The following KCNH5 variants were observed in gnomAD, a reference collection of about 807,000 sequenced individuals.
The protein encoded by KCNH5 is potassium voltage-gated channel subfamily H member 5.
KCNH5 carries 46 observed loss-of-function variants against 96.1 expected under a neutral mutation model. That is an observed-to-expected ratio of 0.48 (90% CI 0.38 to 0.61). The LOEUF is 0.61. Among genes scored for constraint, KCNH5 ranks in the 20% least tolerant of loss-of-function variants. The pLI is 0.00. For synonymous variants in KCNH5, 439 were observed against 449.8 expected, an observed-to-expected ratio of 0.98 and a Z score of 0.30; for missense variants, 907 against 1,225.8, an observed-to-expected ratio of 0.74 and a Z score of 3.88.
chr14:62,825,813 G>T (rs243162), intron 8 of KCNH5, among the ~76,000 whole-genome samples: 1 of 148,972 alleles, frequency 6.7e-6, no homozygotes. Flanking sequence ...TTTATCCTTC[G>T]TTCTCTTGCT....
chr14:62,934,806 G>A (rs146749718), intron 7 of KCNH5, among the ~76,000 whole-genome samples: 218 of 152,072 alleles, frequency 1.4e-3, no homozygotes, highest in Admixed American at 0.013. Flanking sequence ...TTTTTTTGTC[G>A]TCTTTCTTGT....
chr14:62,853,496 TCTTGGCCACATATA>T (rs1566682760), intron 7 of KCNH5, among the ~76,000 whole-genome samples: 1 of 90,316 alleles, frequency 1.1e-5, no homozygotes, highest in African/African-American at 6.5e-5. Flanking sequence ...ATATATATAA[TCTTGGCCACATATA>T]ATCATAGCAC....
intron 8 of KCNH5, among the ~76,000 whole-genome samples, chr14:62,810,588 T>C (rs2140007091): frequency 6.6e-6 from 1 of 152,202 alleles, no homozygotes; most frequent in East Asian, 1.9e-4. Context: ...AAAACCATGA[T>C]GGCCACAAGA....
At chr14:62,791,423 C>T (rs1297695942) in intron 9 of KCNH5, among the ~76,000 whole-genome samples, 4 of 151,494 alleles carry the variant, frequency 2.6e-5, no homozygotes, top group Admixed American at 6.6e-5. Flanking sequence ...TAAGTCTTTA[C>T]CTATCAATAC....
intron 5 of KCNH5, among the ~76,000 whole-genome samples, chr14:62,983,201 C>A (rs1286453936): frequency 1.3e-5 from 2 of 151,868 alleles, no homozygotes; most frequent in African/African-American, 2.4e-5. Flanking sequence ...ATGGTGAAAC[C>A]CCGTCCTACT....
chr14:62,904,627 A>G (rs1427367486), intron 7 of KCNH5, among the ~76,000 whole-genome samples: 1 of 152,222 alleles, frequency 6.6e-6, no homozygotes, highest in South Asian at 2.1e-4. Context: ...GCCTTCATCA[A>G]AGTTAGAAAA....
At chr14:62,789,614 T>C (rs956270733) in intron 9 of KCNH5, among the ~76,000 whole-genome samples, 2 of 151,986 alleles carry the variant, frequency 1.3e-5, no homozygotes, top group Admixed American at 6.6e-5. Context: ...TTTTTGATAA[T>C]AGTCTTCCTA....
rs1884455398 is a variant in KCNH5 at position 62,707,401 on chromosome 14, G to T, written c.*107C>A. 3.9e-6 allele frequency: 2 copies of T among 516,018 alleles called. No homozygotes were observed. The highest frequency in any genetic ancestry group is 6.1e-6 in the Non-Finnish European group (2 of 330,268). 32.0% of individuals were successfully genotyped at this position (516,018 alleles called of 1,614,324 possible). On this transcript the variant is annotated 3_prime_UTR_variant, in exon 11 of 11. Transcript: ENST00000322893. ...AATATTTACATATCAAAATCCATGTGTGGTCATCATCTTGAAAGCAAGTGA... is the reference window on the plus strand; with the variant it reads ...AATATTTACATATCAAAATCCATGTTTGGTCATCATCTTGAAAGCAAGTGA...
intron 10 of KCNH5, among the ~76,000 whole-genome samples, chr14:62,771,573 C>T (rs1390214809): frequency 6.6e-6 from 1 of 152,058 alleles, no homozygotes; most frequent in African/African-American, 2.4e-5. Flanking sequence ...TGCAGTGAGC[C>T]GAGATCGTGC....
intron 1 of KCNH5, 65 bp downstream of exon 1, chr14:63,045,049 G>T (rs1310345554): frequency 1.6e-6 from 2 of 1,254,280 alleles, no homozygotes; most frequent in Non-Finnish European, 2.3e-6. Flanking sequence ...GATGGGATGG[G>T]GAGGATGGGG....
At chr14:62,963,214 A>G (rs1890245871) in intron 6 of KCNH5, among the ~76,000 whole-genome samples, 1 of 152,080 alleles carries the variant, frequency 6.6e-6, no homozygotes, top group Admixed American at 6.6e-5. Context: ...TATATTGTTT[A>G]TTTCTTACTG....
chr14:63,036,803 A>G (rs1787711414), intron 1 of KCNH5, among the ~76,000 whole-genome samples: 1 of 152,154 alleles, frequency 6.6e-6, no homozygotes, highest in Non-Finnish European at 1.5e-5. Context: ...GCCAGTAGAA[A>G]GGGCAGCAGG....
At chr14:62,962,487 A>G (rs967385421) in intron 6 of KCNH5, among the ~76,000 whole-genome samples, 1 of 152,158 alleles carries the variant, frequency 6.6e-6, no homozygotes, top group African/African-American at 2.4e-5. Context: ...CTGGGGATCA[A>G]TGGAGAAGCT....
chr14:62,872,316 G>T (rs1202701540), intron 7 of KCNH5, among the ~76,000 whole-genome samples: 1 of 152,198 alleles, frequency 6.6e-6, no homozygotes, highest in Non-Finnish European at 1.5e-5. Context: ...TTTCCCTAAA[G>T]ATGGTTCTGG....
At chr14:62,708,543 T>TA (rs1050184961) in intron 10 of KCNH5, 88 bp from the exon 11 acceptor site, 8 of 773,902 alleles carry the variant, frequency 1.0e-5, no homozygotes, top group African/African-American at 1.0e-4. Context: ...TGCTTTGTGT[T>TA]ACAAAGAAAA....
At chr14:62,776,651 A>G (rs1034914297) in intron 10 of KCNH5, among the ~76,000 whole-genome samples, 1 of 152,232 alleles carries the variant, frequency 6.6e-6, no homozygotes, top group Non-Finnish European at 1.5e-5. Flanking sequence ...TCCTTGACAG[A>G]AAAATTTTCC....
rs112871733 is a variant in KCNH5 at position 62,898,315 on chromosome 14, A to G, written c.1370-48463T>C. Among the ~76,000 whole-genome samples the G allele has an allele frequency of 6.1e-4, 93 of 152,322 alleles. 2 individuals are homozygous for G. Among genetic ancestry groups the G allele is most frequent in the African/African-American group, 2.0e-3 (84 of 41,582 alleles). ...AGAGAATGAATAGATTTTGTTTTAA[A>G]GCCTTTGCATTACACTGGAAGAAGG... On this transcript the variant is annotated intron_variant, in intron 7 of 10. Coordinates refer to ENST00000322893, the MANE Select transcript of KCNH5 (RefSeq NM_139318.5).
At chr14:62,953,619 C>G (rs1319413144) in intron 6 of KCNH5, among the ~76,000 whole-genome samples, 2 of 152,300 alleles carry the variant, frequency 1.3e-5, no homozygotes, top group South Asian at 4.1e-4. Flanking sequence ...TGGGGCGAAG[C>G]CTCAACTTTT....
rs1462119265 is a variant in KCNH5 at position 62,704,589 on chromosome 14, T to A, written c.*2919A>T. The A allele has an allele frequency of 2.6e-5, 4 of 152,072 alleles. No homozygotes were observed. The East Asian group carries it at 7.7e-4, about 29-fold the overall frequency. The allele number at this position is 152,072 out of a possible 1,614,324, so 9.4% of individuals were successfully genotyped here. A position where few individuals can be genotyped will look rare whatever the true frequency, so the allele number is the denominator to read the frequency against. On this transcript the variant is annotated 3_prime_UTR_variant, in exon 11 of 11. Coordinates refer to ENST00000322893, the MANE Select transcript of KCNH5 (RefSeq NM_139318.5). ...CGAGGATACAGCATCTGATCTTACC[T>A]ATTAATAACATCATAGAAAAATATT...
Sources: gnomAD v4.1 joint callset for allele counts (sites outside exome capture counted in the v4.1 genomes callset) on GRCh38, gnomAD v4.1.1 for gene constraint, MANE v1.5 for transcripts, NCBI Gene and HGNC (gene_info 2026-07-23, HGNC 2026-07-21) for gene names.